Variants in PIWIL2 observed in about 807,000 individuals in gnomAD.
The protein encoded by PIWIL2 is piwi-like protein 2.
In PIWIL2, 81 loss-of-function variants were observed where a neutral mutation model predicts 116.5. The ratio of observed to expected loss-of-function variants is 0.70; its 90% CI spans 0.58 to 0.84. The LOEUF is 0.84. Ranked by LOEUF, PIWIL2 falls within the 40% of genes least tolerant of loss-of-function variation. The pLI is 0.00. For synonymous variants in PIWIL2, 489 were observed against 429.5 expected, an observed-to-expected ratio of 1.14 and a Z score of -1.71; for missense variants, 1,272 against 1,212.3, an observed-to-expected ratio of 1.05 and a Z score of -0.73.
rs145109389 is a variant in PIWIL2, at chr8:22,289,925, C to G, written c.1065C>G (p.His355Gln). ...DPTSAMVLQQHRLQIWPGYAA... is the reference protein window; with the variant it reads ...DPTSAMVLQQQRLQIWPGYAA... ...CAAGTGCTATGGTACTACAGCAACACAGGTTGGTACTTTTTTCCCTTCCCT... is the reference window on the plus strand; with the variant it reads ...CAAGTGCTATGGTACTACAGCAACAGAGGTTGGTACTTTTTTCCCTTCCCT... Residue 355 changes from histidine to glutamine, a missense_variant and splice_region_variant, in exon 9 of 23, where the codon CAC becomes CAG. Transcript: ENST00000356766. 1,877 of 1,598,890 alleles carry G rather than the reference C, an allele frequency of 1.2e-3. 3 individuals are homozygous for G. The highest frequency in any genetic ancestry group is 1.5e-3 in the Non-Finnish European group (1,773 of 1,166,642).
chr8:22,348,171 G>A, intron 20 of PIWIL2, among the ~76,000 whole-genome samples: 1 of 151,378 alleles, frequency 6.6e-6, no homozygotes, highest in East Asian at 2.0e-4. Flanking sequence ...CATGATGGCG[G>A]GTGTCTGTAA....
intron 20 of PIWIL2, among the ~76,000 whole-genome samples, chr8:22,319,918 G>A (rs913933419): frequency 2.6e-5 from 4 of 152,184 alleles, no homozygotes; most frequent in East Asian, 3.8e-4. Flanking sequence ...TAATCCAAGG[G>A]TGGCAAGGGT....
rs924160947 is a variant in PIWIL2, at chr8:22,325,714, C to T, written c.2403+7439C>T. On this transcript the variant is annotated intron_variant, in intron 20 of 22. Transcript: ENST00000356766. Reference sequence around the variant, plus strand: ...GACCAACCTGGTCTCAGACTCCTGACCTCAAGTGATCTCCCTGCCTCAGCC... The same window carrying T: ...GACCAACCTGGTCTCAGACTCCTGATCTCAAGTGATCTCCCTGCCTCAGCC... Among the ~76,000 whole-genome samples, 3 of 151,982 alleles carry T rather than the reference C, an allele frequency of 2.0e-5. No homozygotes were observed. The East Asian group carries it at 5.8e-4, about 29-fold the overall frequency.
In PIWIL2 at chr8:22,305,963, T is replaced by G. The variant is rs755160180; in HGVS notation, c.1492T>G (p.Ser498Ala). 3.8e-5 allele frequency: 62 copies of G among 1,614,008 alleles called. No homozygotes were observed. The South Asian group carries it at 6.6e-4, about 17-fold the overall frequency. The change falls in exon 13 of 23, where the codon TCT becomes GCT. Residue 498 changes from serine (S) to alanine (A), a missense_variant. Transcript: ENST00000356766. The part of the protein sequence containing the change: ...KGEILLLPEL[S>A]FMTGIPEKMK... ...GGAAATCCTGCTGCTGCCTGAGCTT[T>G]CTTTTATGACCGGAATCCCAGAGAA...
chr8:22,286,094 T>C (rs1046680526), intron 6 of PIWIL2, among the ~76,000 whole-genome samples: 4 of 152,182 alleles, frequency 2.6e-5, no homozygotes, highest in African/African-American at 9.7e-5. Flanking sequence ...AGGTATGTTA[T>C]AAAGACCAAA....
At chr8:22,301,542 C>T (rs879550518) in intron 10 of PIWIL2, among the ~76,000 whole-genome samples, 1 of 152,118 alleles carries the variant, frequency 6.6e-6, no homozygotes, top group African/African-American at 2.4e-5. Flanking sequence ...GATCCCCCCG[C>T]CTCAGCCTCC....
intron 20 of PIWIL2, among the ~76,000 whole-genome samples, chr8:22,333,551 G>A (rs190336998): frequency 6.6e-6 from 1 of 152,212 alleles, no homozygotes; most frequent in African/African-American, 2.4e-5. Context: ...GGCAGAGGTT[G>A]CGGTGAGCCA....
Position 22,357,084 on chromosome 8 carries a change from G to A in PIWIL2, c.*1579G>A, listed in dbSNP as rs1832504332. 6.6e-6 allele frequency: 1 copy of A among 152,122 alleles called. No homozygotes were observed. Among genetic ancestry groups the A allele is most frequent in the Non-Finnish European group, 1.5e-5 (1 of 68,036 alleles). The allele number at this position is 152,122 out of a possible 1,614,324, so 9.4% of individuals were successfully genotyped here. On this transcript the variant is annotated 3_prime_UTR_variant, in exon 23 of 23. Coordinates refer to ENST00000356766, the MANE Select transcript of PIWIL2 (RefSeq NM_018068.5). Reference sequence around the variant, plus strand: ...ACTTTAGCTTAAAACTCCGTAAAATGTGCTCACTTCAGCAGCACATATACT... The same window carrying A: ...ACTTTAGCTTAAAACTCCGTAAAATATGCTCACTTCAGCAGCACATATACT...
intron 20 of PIWIL2, among the ~76,000 whole-genome samples, chr8:22,338,493 C>G (rs976401622): frequency 6.6e-6 from 1 of 152,068 alleles, no homozygotes; most frequent in Non-Finnish European, 1.5e-5. Context: ...GAGTTTGAGA[C>G]CAGCCTGGCC....
intron 10 of PIWIL2, among the ~76,000 whole-genome samples, chr8:22,297,954 A>C (rs1045314287): frequency 6.6e-6 from 1 of 152,196 alleles, no homozygotes; most frequent in Non-Finnish European, 1.5e-5. Context: ...AAAGCAAAGC[A>C]AGCAAATGAA....
intron 1 of PIWIL2, among the ~76,000 whole-genome samples, chr8:22,276,509 G>T (rs149230966): frequency 0.062 from 9,426 of 152,022 alleles, 360 homozygotes; most frequent in Admixed American, 0.091. Context: ...AGAGATGAGG[G>T]TTCACCATTT....
chr8:22,287,455 A>C, intron 6 of PIWIL2, 73 bp from the exon 7 acceptor site: 1 of 920,298 alleles, frequency 1.1e-6, no homozygotes, highest in South Asian at 1.3e-5. Flanking sequence ...GGTAACTAGC[A>C]CCTGTTGCAC....
intron 10 of PIWIL2, among the ~76,000 whole-genome samples, chr8:22,296,073 T>A (rs931445843): frequency 7.1e-6 from 1 of 140,028 alleles, no homozygotes; most frequent in African/African-American, 2.7e-5. Flanking sequence ...TTGTTGTTGT[T>A]GAGATGGAGT....
intron 4 of PIWIL2, among the ~76,000 whole-genome samples, chr8:22,281,994 A>G (rs1479247830): frequency 6.7e-6 from 1 of 149,444 alleles, no homozygotes; most frequent in Non-Finnish European, 1.5e-5. Flanking sequence ...GCTGGTCTTG[A>G]GCTCCTGACC....
At chr8:22,308,330 C>T (rs962782844) in intron 14 of PIWIL2, among the ~76,000 whole-genome samples, 1 of 151,418 alleles carries the variant, frequency 6.6e-6, no homozygotes, top group African/African-American at 2.4e-5. Context: ...CTTTTACATT[C>T]AAATTGAATT....
chr8:22,278,025 G>T (rs890253141), intron 1 of PIWIL2, among the ~76,000 whole-genome samples: 1 of 151,984 alleles, frequency 6.6e-6, no homozygotes, highest in Non-Finnish European at 1.5e-5. Context: ...AAAATTAGCC[G>T]AGCATGGTGC....
At chr8:22,353,719 T>C (rs1288259490) in intron 21 of PIWIL2, among the ~76,000 whole-genome samples, 2 of 150,098 alleles carry the variant, frequency 1.3e-5, no homozygotes, top group Non-Finnish European at 3.0e-5. Flanking sequence ...TTTGCTAAGA[T>C]AGCGTATGCT....
At chr8:22,304,932 C>A in intron 12 of PIWIL2, 64 bp downstream of exon 12, 1 of 1,102,180 alleles carries the variant, frequency 9.1e-7, no homozygotes, top group Non-Finnish European at 1.4e-6. Flanking sequence ...CTGCTTTTAG[C>A]CGTCCTCATG....
rs888043939 is a variant in PIWIL2 at position 22,281,377 on chromosome 8, G to A, written c.287G>A (p.Gly96Asp). 2 of 1,608,942 alleles carry A rather than the reference G, an allele frequency of 1.2e-6. No homozygotes were observed. Among genetic ancestry groups the A allele is most frequent in the South Asian group, 1.1e-5 (1 of 89,808 alleles). Residue 96 changes from glycine (G) to aspartate (D), a missense_variant and splice_region_variant, in exon 4 of 23, where the codon GGT (glycine) becomes GAT (aspartate). By Grantham distance (94) the Gly-to-Asp change is moderately conservative. Coordinates refer to ENST00000356766, the MANE Select transcript of PIWIL2 (RefSeq NM_018068.5). Reference sequence around the variant, plus strand: ...GCTGGGGTTCGGTTCTTTCTTTCAGGTAGAGGCATTTTAGGTCGAGGCTTG... The same window carrying A: ...GCTGGGGTTCGGTTCTTTCTTTCAGATAGAGGCATTTTAGGTCGAGGCTTG... Reference protein sequence around the residue: ...TPLKREMLPSGRGILGRGLSA... With the variant: ...TPLKREMLPSDRGILGRGLSA...
Sources: gnomAD v4.1 joint callset for allele counts (sites outside exome capture counted in the v4.1 genomes callset) on GRCh38, gnomAD v4.1.1 for gene constraint, MANE v1.5 for transcripts, NCBI Gene and HGNC (gene_info 2026-07-23, HGNC 2026-07-21) for gene names.